Variants in PARM1 observed in about 807,000 individuals in gnomAD.
PARM1 encodes WSC4, cell wall integrity and stress response component 4 homolog.
A neutral mutation model predicts 24.6 loss-of-function variants in PARM1; 14 were observed. The observed-to-expected ratio is 0.57, with a 90% confidence interval of 0.38 to 0.89. The LOEUF (loss-of-function observed/expected upper bound fraction) is 0.89, where lower values mean the gene tolerates loss of function less well. Among genes scored for constraint, PARM1 ranks in the 40% least tolerant of loss-of-function variants. The pLI is 0.00. For synonymous variants in PARM1, 179 were observed against 156.6 expected (o/e 1.14, Z -1.07); for missense variants, 362 against 380.4 (o/e 0.95, Z 0.40).
intron 1 of PARM1, chr4:74,969,816 C>T (rs1721987742): frequency 6.6e-6 from 1 of 152,212 alleles, no homozygotes; most frequent in African/African-American, 2.4e-5. Context: ...TATCACCCAG[C>T]AGATAAGAAT....
At chr4:74,984,777 C>T (rs572852492) in intron 1 of PARM1, among the ~76,000 whole-genome samples, 1 of 152,292 alleles carries the variant, frequency 6.6e-6, no homozygotes, top group Admixed American at 6.5e-5. Context: ...CAGCCTTCAG[C>T]CTATTTTTGT....
intron 1 of PARM1, among the ~76,000 whole-genome samples, chr4:74,978,697 G>T (rs1474585702): frequency 6.6e-6 from 1 of 152,050 alleles, no homozygotes; most frequent in Non-Finnish European, 1.5e-5. Context: ...CTCTAAAATT[G>T]ATCACATCAT....
chr4:75,034,009 C>A, intron 3 of PARM1, 48 bp downstream of exon 3: 2 of 1,454,270 alleles, frequency 1.4e-6, no homozygotes, highest in Non-Finnish European at 1.9e-6. Flanking sequence ...TTTTGTTGGG[C>A]TCTGGGCTGA....
intron 3 of PARM1, among the ~76,000 whole-genome samples, chr4:75,044,006 T>G (rs1723549966): frequency 6.8e-6 from 1 of 147,554 alleles, no homozygotes; most frequent in African/African-American, 2.5e-5. Context: ...TTTTGAAGGC[T>G]AAGAGTTTGA....
chr4:75,023,438 C>T (rs771365948), intron 2 of PARM1, among the ~76,000 whole-genome samples: 2 of 152,168 alleles, frequency 1.3e-5, no homozygotes, highest in African/African-American at 4.8e-5. Flanking sequence ...ATTATTATTA[C>T]AGTTGGGTCC....
At chr4:75,006,609 G>T (rs1247221156) in intron 1 of PARM1, among the ~76,000 whole-genome samples, 1 of 152,086 alleles carries the variant, frequency 6.6e-6, no homozygotes. Flanking sequence ...ATATACATGT[G>T]CATGTGTCTT....
At chr4:75,004,035 C>G (rs1304038462) in intron 1 of PARM1, among the ~76,000 whole-genome samples, 1 of 152,154 alleles carries the variant, frequency 6.6e-6, no homozygotes, top group Non-Finnish European at 1.5e-5. Flanking sequence ...TCCCTGCAGT[C>G]TCCAAAGTAA....
chr4:75,027,465 T>C (rs780184906), intron 2 of PARM1, among the ~76,000 whole-genome samples: 5 of 152,062 alleles, frequency 3.3e-5, no homozygotes, highest in Non-Finnish European at 7.4e-5. Flanking sequence ...AGACTTCCAA[T>C]AATGGTAAAA....
intron 2 of PARM1, among the ~76,000 whole-genome samples, chr4:75,027,118 C>T (rs1467660272): frequency 4.6e-5 from 7 of 152,158 alleles, no homozygotes; most frequent in East Asian, 1.9e-4. Context: ...CCTTAGGCAC[C>T]ATTCCACCCA....
intron 1 of PARM1, among the ~76,000 whole-genome samples, chr4:75,011,451 G>A (rs923150601): frequency 7.9e-5 from 12 of 151,984 alleles, no homozygotes; most frequent in Admixed American, 1.3e-4. Context: ...AGATGCAAAT[G>A]ACTGGGGGAA....
chr4:75,038,212 G>C (rs1169569697), intron 3 of PARM1, among the ~76,000 whole-genome samples: 1 of 152,146 alleles, frequency 6.6e-6, no homozygotes, highest in African/African-American at 2.4e-5. Flanking sequence ...ACTGCGCCCA[G>C]CCTGGGGCAA....
At chr4:75,021,203 G>C (rs1008107532) in intron 2 of PARM1, among the ~76,000 whole-genome samples, 2 of 152,170 alleles carry the variant, frequency 1.3e-5, no homozygotes, top group Admixed American at 1.3e-4. Flanking sequence ...CATTAATCCT[G>C]AGCTTTGAAA....
At chr4:75,034,336 G>A (rs1014262986) in intron 3 of PARM1, among the ~76,000 whole-genome samples, 4 of 152,238 alleles carry the variant, frequency 2.6e-5, no homozygotes, top group Non-Finnish European at 4.4e-5. Context: ...GGGTGGGATC[G>A]ATGGTTCCTA....
intron 2 of PARM1, among the ~76,000 whole-genome samples, chr4:75,024,744 G>A (rs1176665351): frequency 1.3e-5 from 2 of 152,132 alleles, no homozygotes; most frequent in African/African-American, 4.8e-5. Flanking sequence ...CGTCGCCCAG[G>A]CTGGACTGTG....
chr4:74,958,445 G>A (rs1578027915), intron 1 of PARM1, among the ~76,000 whole-genome samples: 2 of 152,280 alleles, frequency 1.3e-5, no homozygotes, highest in African/African-American at 2.4e-5. Context: ...TTTACTTGAT[G>A]AAGAAGTAAT....
chr4:74,960,082 C>T (rs1721734819), intron 1 of PARM1, among the ~76,000 whole-genome samples: 1 of 152,202 alleles, frequency 6.6e-6, no homozygotes, highest in Non-Finnish European at 1.5e-5. Context: ...ATGTAACTTG[C>T]AGGCAGTTTG....
At chr4:75,030,946 G>A (rs989816989) in intron 2 of PARM1, among the ~76,000 whole-genome samples, 27 of 152,326 alleles carry the variant, frequency 1.8e-4, no homozygotes, top group Admixed American at 1.6e-3. Context: ...AACTCAGGGG[G>A]AAATGGCATT....
chr4:74,939,703 G>T (rs1438945372), intron 1 of PARM1, among the ~76,000 whole-genome samples: 1 of 152,082 alleles, frequency 6.6e-6, no homozygotes, highest in Non-Finnish European at 1.5e-5. Context: ...ATATTATATA[G>T]AATTTTAAGA....
In PARM1 at chr4:75,049,621, A is replaced by C. The variant is rs1030507515; in HGVS notation, c.*3374A>C. 2 of 152,612 alleles carry C rather than the reference A, an allele frequency of 1.3e-5. No individual in the cohort carries two copies. Among genetic ancestry groups the C allele is most frequent in the African/African-American group, 4.8e-5 (2 of 41,442 alleles). The allele number at this position is 152,612 out of a possible 1,614,324, so 9.5% of individuals were successfully genotyped here. A position where few individuals can be genotyped will look rare whatever the true frequency, so the allele number is the denominator to read the frequency against. On this transcript the variant is annotated 3_prime_UTR_variant, in exon 4 of 4. Coordinates refer to ENST00000307428, the MANE Select transcript of PARM1 (RefSeq NM_015393.4). ...AAGACTCTTGGATCAGAATCAGGAG[A>C]TTAGGGAAAACAGGATGGATACCTG...
Sources: gnomAD v4.1 joint callset for allele counts (sites outside exome capture counted in the v4.1 genomes callset) on GRCh38, gnomAD v4.1.1 for gene constraint, MANE v1.5 for transcripts, NCBI Gene and HGNC (gene_info 2026-07-23, HGNC 2026-07-21) for gene names.